Variants in PLEKHG6 observed in about 807,000 individuals in gnomAD.
The protein encoded by PLEKHG6 is pleckstrin homology and RhoGEF domain containing G6, also known as pleckstrin homology domain-containing family G member 6.
Under a neutral mutation model 97.5 loss-of-function variants are expected in PLEKHG6, and 91 were observed. The ratio of observed to expected loss-of-function variants is 0.93; its 90% CI spans 0.79 to 1.11. The LOEUF is 1.11. Among genes scored for constraint, PLEKHG6 ranks in the 50% most tolerant of loss-of-function variants. The pLI, the probability that PLEKHG6 is intolerant of heterozygous loss-of-function variation, is 0.00. For missense variants in PLEKHG6, 1,044 were observed against 1,031.0 expected (o/e 1.01, Z -0.17); for synonymous variants, 466 against 425.5 (o/e 1.10, Z -1.17).
chr12:6,324,057 G>A (rs1194520456), intron 13 of PLEKHG6, among the ~76,000 whole-genome samples: 1 of 152,044 alleles, frequency 6.6e-6, no homozygotes, highest in Non-Finnish European at 1.5e-5. Context: ...CCTGCTAGGG[G>A]CCCTCCCTTC....
chr12:6,317,286 C>A lies in PLEKHG6; in HGVS notation c.757-17C>A. ...CTCCCCATGCCTGCTCCCCACCTCCCGTATCTGTCTCTCCAGTTTGGCCAG... is the reference window on the plus strand; with the variant it reads ...CTCCCCATGCCTGCTCCCCACCTCCAGTATCTGTCTCTCCAGTTTGGCCAG... On this transcript the variant is annotated splice_polypyrimidine_tract_variant and intron_variant, in intron 7 of 15. Transcript: ENST00000684764. The A allele has an allele frequency of 6.5e-7, 1 of 1,546,698 alleles. No homozygotes were observed. Among genetic ancestry groups the A allele is most frequent in the Non-Finnish European group, 8.9e-7 (1 of 1,118,832 alleles).
At chr12:6,326,737 G>A (rs941667161) in intron 14 of PLEKHG6, among the ~76,000 whole-genome samples, 164 bp downstream of exon 14, 2 of 152,218 alleles carry the variant, frequency 1.3e-5, no homozygotes, top group African/African-American at 4.8e-5. Context: ...GGGTCGGAAG[G>A]TTGGTACCAG....
At position 6,327,252 on chromosome 12, in the gene PLEKHG6, A is replaced by C; in HGVS notation, c.1671-2A>C. The stretch of plus-strand genomic sequence containing the variant: ...CATCTGACTCTTTGCCATTAACTGT[A>C]GGACTCCTGAGTTCTCGACCATTAT... On this transcript the variant is annotated splice_acceptor_variant, in intron 14 of 15. Coordinates refer to ENST00000684764, the MANE Select transcript of PLEKHG6 (RefSeq NM_001384598.1). LOFTEE classifies it high-confidence loss of function. The C allele has an allele frequency of 1.3e-6, 2 of 1,570,816 alleles. No homozygotes were observed. Among genetic ancestry groups the C allele is most frequent in the Non-Finnish European group, 1.7e-6 (2 of 1,152,394 alleles).
Position 6,312,176 on chromosome 12 carries a change from C to G in PLEKHG6, c.-51C>G. 7.0e-7 allele frequency: 1 copy of G among 1,429,572 alleles called. No individual in the cohort carries two copies. The highest frequency in any genetic ancestry group is 9.2e-7 in the Non-Finnish European group (1 of 1,089,140). 88.6% of individuals were successfully genotyped at this position (1,429,572 alleles called of 1,614,324 possible). A position where few individuals can be genotyped will look rare whatever the true frequency, so the allele number is the denominator to read the frequency against. The stretch of plus-strand genomic sequence containing the variant: ...TCTTGCAGCCCTAGGGGACCTCTTT[C>G]TCCTGGACATTGAAGATATGGCCCT... On this transcript the variant is annotated 5_prime_UTR_variant, in exon 2 of 16. Coordinates refer to ENST00000684764, the MANE Select transcript of PLEKHG6 (RefSeq NM_001384598.1).
intron 1 of PLEKHG6, among the ~76,000 whole-genome samples, chr12:6,311,264 T>C (rs1947253924): frequency 6.6e-6 from 1 of 152,146 alleles, no homozygotes; most frequent in Non-Finnish European, 1.5e-5. Context: ...GCCCCACGCC[T>C]GGCCCCCAGC....
chr12:6,317,825 G>C (rs774729777), intron 9 of PLEKHG6, 32 bp from the exon 10 acceptor site: 1 of 1,539,278 alleles, frequency 6.5e-7, no homozygotes. Flanking sequence ...CGGCTGAGCC[G>C]TCCCTCCTCC....
At chr12:6,328,043 G>A in intron 15 of PLEKHG6, 93 bp from the exon 16 acceptor site, 4 of 1,587,376 alleles carry the variant, frequency 2.5e-6, no homozygotes, top group Non-Finnish European at 3.5e-6. Flanking sequence ...CAGGAACAGG[G>A]GCTGAGGCAG....
chr12:6,320,220 GAC>G (rs1197258239), intron 13 of PLEKHG6, among the ~76,000 whole-genome samples: 3 of 152,192 alleles, frequency 2.0e-5, no homozygotes, highest in Admixed American at 1.3e-4. Flanking sequence ...TCCTTTGGAT[GAC>G]AGAGGGCCAG....
At chr12:6,326,029 G>A (rs757182136) in intron 13 of PLEKHG6, among the ~76,000 whole-genome samples, 6 of 152,146 alleles carry the variant, frequency 3.9e-5, no homozygotes, top group African/African-American at 9.7e-5. Flanking sequence ...AATGTAGGCC[G>A]GGCACGGTGG....
intron 2 of PLEKHG6, 37 bp from the exon 3 acceptor site, chr12:6,313,592 G>A (rs772097090): frequency 2.0e-5 from 32 of 1,610,802 alleles, no homozygotes; most frequent in Non-Finnish European, 2.5e-5. Flanking sequence ...CTGGGGAAAG[G>A]GAGGCACCCC....
chr12:6,314,672 C>T (rs1007094634), intron 3 of PLEKHG6, among the ~76,000 whole-genome samples: 2 of 152,128 alleles, frequency 1.3e-5, no homozygotes, highest in Non-Finnish European at 2.9e-5. Flanking sequence ...GTCCCTCCCC[C>T]ACCTCATTCT....
In PLEKHG6 at chr12:6,317,458, G is replaced by A. The variant is rs190564482; in HGVS notation, c.867+45G>A. 1.3e-3 allele frequency: 2,051 copies of A among 1,609,548 alleles called. 19 individuals carry two copies. In the African/African-American group the frequency reaches 0.018, roughly 14 times the overall value. ...GGAGGGGGACGGGTGCATCTTAGCCGGCCGGTCTCCAGCTGAGCCTGAGGC... is the reference window on the plus strand; with the variant it reads ...GGAGGGGGACGGGTGCATCTTAGCCAGCCGGTCTCCAGCTGAGCCTGAGGC... On this transcript the variant is annotated intron_variant, in intron 8 of 15. Transcript: ENST00000684764.
intron 3 of PLEKHG6, among the ~76,000 whole-genome samples, chr12:6,314,640 T>G (rs1947389366): frequency 6.6e-6 from 1 of 152,156 alleles, no homozygotes; most frequent in Admixed American, 6.5e-5. Context: ...CACTTGAAGG[T>G]CCCTCTGAAG....
At chr12:6,319,416 C>A in intron 13 of PLEKHG6, 1 of 997,872 alleles carries the variant, frequency 1.0e-6, no homozygotes, top group Middle Eastern at 2.9e-4. Context: ...CCACTGCACT[C>A]TAGCCTGGGT....
At chr12:6,324,369 C>T (rs1947802873) in intron 13 of PLEKHG6, among the ~76,000 whole-genome samples, 2 of 150,578 alleles carry the variant, frequency 1.3e-5, no homozygotes, top group South Asian at 4.2e-4. Flanking sequence ...TGGCATTGAA[C>T]GTCCCTTACA....
In PLEKHG6 at chr12:6,319,172, C is replaced by T. The variant is rs889936566; in HGVS notation, c.1524+64C>T. 8.5e-6 allele frequency: 9 copies of T among 1,062,208 alleles called. No individual in the cohort carries two copies. The East Asian group carries it at 2.3e-4, about 27-fold the overall frequency. 65.8% of individuals were successfully genotyped at this position (1,062,208 alleles called of 1,614,324 possible). ...TCCCCGGAGCTCAGAAATGGGAGCA[C>T]AGTGGTGGATCACACCTGTAATCTC... On this transcript the variant is annotated intron_variant, in intron 13 of 15. Transcript: ENST00000684764.
rs375044827 is a variant in PLEKHG6 at position 6,327,576 on chromosome 12, C to T, written c.1993C>T (p.Pro665Ser). 3 of 1,596,656 alleles carry T rather than the reference C, an allele frequency of 1.9e-6. No homozygotes were observed. The highest frequency in any genetic ancestry group is 2.7e-5 in the African/African-American group (2 of 74,284). Residue 665 changes from proline to serine, a missense_variant, in exon 15 of 16, where the codon CCA (proline) becomes TCA (serine). Transcript: ENST00000684764. ...KGGSLPQEDP[P>S]TWSEEEDGAS... ...AGGCAGTCTTCCCCAGGAAGACCCA[C>T]CAACCTGGTCTGAGGAAGAAGATGG...
chr12:6,328,461 C>A lies in PLEKHG6; in HGVS notation c.*316C>A, dbSNP rs1947953361. On this transcript the variant is annotated 3_prime_UTR_variant, in exon 16 of 16. Transcript: ENST00000684764. ...CCCAGGAGTTCCAGACCAGCCTGGG[C>A]AATATAGGGAAACCCTGTCTTTACA... The A allele has an allele frequency of 3.1e-6, 1 of 321,422 alleles. No individual in the cohort carries two copies. Among genetic ancestry groups the A allele is most frequent in the South Asian group, 6.0e-5 (1 of 16,622 alleles). 19.9% of individuals were successfully genotyped at this position (321,422 alleles called of 1,614,324 possible). A position where few individuals can be genotyped will look rare whatever the true frequency, so the allele number is the denominator to read the frequency against.
chr12:6,327,867 CCA>C lies in PLEKHG6; in HGVS notation c.2286_2287del (p.Arg763GlufsTer47), dbSNP rs1947924885. 6.7e-7 allele frequency: 1 copy of C among 1,500,382 alleles called. No individual in the cohort carries two copies. The highest frequency in any genetic ancestry group is 8.9e-7 in the Non-Finnish European group (1 of 1,125,920). The allele number at this position is 1,500,382 out of a possible 1,614,324, so 92.9% of individuals were successfully genotyped here. ...EGAEEPRDSR[P>X]RKLTRAQLQR... The stretch of plus-strand genomic sequence containing the variant: ...GGCCGAGGAGCCCCGGGACAGCAGG[CCA>C]CGGAAGCTGACTCGGGCCCAGCTGC... On this transcript the variant is annotated frameshift_variant, in exon 15 of 16. Coordinates refer to ENST00000684764, the MANE Select transcript of PLEKHG6 (RefSeq NM_001384598.1). LOFTEE classifies it high-confidence loss of function.
Sources: allele counts gnomAD v4.1 joint callset (sites outside exome capture counted in the v4.1 genomes callset), GRCh38; gene constraint gnomAD v4.1.1; transcripts MANE v1.5; gene names NCBI Gene and HGNC (gene_info 2026-07-23, HGNC 2026-07-21).